RUFY3: variants seen among roughly 807,000 people sequenced by gnomAD.
RUFY3 encodes the protein protein RUFY3.
RUFY3 carries 34 observed loss-of-function variants against 84.0 expected under a neutral mutation model. The observed-to-expected ratio is 0.40, with a 90% CI of 0.31 to 0.54. The LOEUF is 0.54. Ranked by LOEUF, RUFY3 falls within the 20% of genes least tolerant of loss-of-function variation. The probability of loss-of-function intolerance (pLI) is 0.39; values close to 1 mark genes in which losing one functional copy is unlikely to be tolerated. For missense variants in RUFY3, 507 were observed against 736.8 expected, an observed-to-expected ratio of 0.69 and a Z score of 3.61; for synonymous variants, 242 against 252.9, an observed-to-expected ratio of 0.96 and a Z score of 0.41.
chr4:70,708,507 A>T (rs116581247), intron 1 of RUFY3, among the ~76,000 whole-genome samples: 3,595 of 152,234 alleles, frequency 0.024, 63 homozygotes, highest in Middle Eastern at 0.061. Context: ...TGGTACATGG[A>T]CTCAACCTCA....
intron 1 of RUFY3, among the ~76,000 whole-genome samples, chr4:70,751,268 T>A (rs1560494043): frequency 6.6e-6 from 1 of 152,200 alleles, no homozygotes; most frequent in Non-Finnish European, 1.5e-5. Flanking sequence ...TTTTATGATG[T>A]GTGGACATGT....
chr4:70,800,755 G>T (rs947400006), intron 15 of RUFY3, among the ~76,000 whole-genome samples: 1 of 152,132 alleles, frequency 6.6e-6, no homozygotes, highest in Non-Finnish European at 1.5e-5. Context: ...GGTGGTACCT[G>T]CCTGTAATCC....
At chr4:70,765,288 T>A (rs1173852938) in intron 4 of RUFY3, among the ~76,000 whole-genome samples, 1 of 151,692 alleles carries the variant, frequency 6.6e-6, no homozygotes, top group Non-Finnish European at 1.5e-5. Flanking sequence ...AAAACAACAT[T>A]ATTTTATCCG....
rs548558097 is a variant in RUFY3 at position 70,712,342 on chromosome 4, C to T, written c.358+7048C>T. The stretch of plus-strand genomic sequence containing the variant: ...AGCCAGGGAATGAATTCATATTCCT[C>T]AATAGTCAGCCTTCAAAGCGCATGT... On this transcript the variant is annotated intron_variant, in intron 1 of 11. Coordinates refer to the RUFY3 transcript ENST00000417478. Among the ~76,000 whole-genome samples, 4 of 152,286 alleles carry T rather than the reference C, an allele frequency of 2.6e-5. No individual in the cohort carries two copies. In the East Asian group the frequency reaches 7.7e-4, roughly 29 times the overall value.
intron 15 of RUFY3, 103 bp from the exon 16 acceptor site, chr4:70,802,853 T>C (rs1732401848): frequency 1.3e-6 from 1 of 793,052 alleles, no homozygotes; most frequent in African/African-American, 1.7e-5. Context: ...ACAGTATTTC[T>C]TGTTTGAAAA....
chr4:70,711,350 G>A (rs10020352), intron 1 of RUFY3, among the ~76,000 whole-genome samples: 29,238 of 152,000 alleles, frequency 0.19, 5,450 homozygotes, highest in African/African-American at 0.49. Context: ...ACATAGAGGC[G>A]TCTGCCCAGG....
intron 12 of RUFY3, chr4:70,792,888 C>A: frequency 1.0e-6 from 1 of 985,330 alleles, no homozygotes; most frequent in Non-Finnish European, 1.2e-6. Flanking sequence ...AAACAAAGCT[C>A]CTACTGTATT....
At chr4:70,789,327 A>G (rs1171581643) in intron 11 of RUFY3, among the ~76,000 whole-genome samples, 168 bp from the exon 12 acceptor site, 9 of 152,118 alleles carry the variant, frequency 5.9e-5, no homozygotes, top group Non-Finnish European at 1.2e-4. Flanking sequence ...ACTGCATATA[A>G]CAATACTAAC....
intron 9 of RUFY3, 68 bp from the exon 10 acceptor site, chr4:70,784,728 C>A: frequency 1.1e-6 from 1 of 913,060 alleles, no homozygotes; most frequent in Non-Finnish European, 1.6e-6. Context: ...TGCTAAGTAG[C>A]AGTGTTAGTG....
At chr4:70,742,473 T>C (rs1721473383) in intron 1 of RUFY3, among the ~76,000 whole-genome samples, 1 of 152,164 alleles carries the variant, frequency 6.6e-6, no homozygotes, top group Non-Finnish European at 1.5e-5. Flanking sequence ...TCCTGTGACA[T>C]CTCATGTATT....
At chr4:70,772,872 T>C (rs1199128139) in intron 5 of RUFY3, among the ~76,000 whole-genome samples, 1 of 152,074 alleles carries the variant, frequency 6.6e-6, no homozygotes, top group African/African-American at 2.4e-5. Context: ...TGTTGTTCAG[T>C]CTGGTCTCGA....
intron 1 of RUFY3, chr4:70,741,812 T>G (rs1721363567): frequency 1.6e-6 from 1 of 606,428 alleles, no homozygotes; most frequent in Non-Finnish European, 2.5e-6. Context: ...AGTGGAAATC[T>G]TAATGTTTTG....
At chr4:70,800,012 G>C (rs1417063981) in intron 14 of RUFY3, 129 bp from the exon 15 acceptor site, 1 of 719,860 alleles carries the variant, frequency 1.4e-6, no homozygotes, top group Non-Finnish European at 2.3e-6. Flanking sequence ...TTGAAAGTTA[G>C]ATCCCTTCCC....
intron 7 of RUFY3, 127 bp from the exon 8 acceptor site, chr4:70,778,236 AAATAAT>A (rs886233398): frequency 9.9e-5 from 38 of 382,444 alleles, no homozygotes; most frequent in East Asian, 1.7e-4. Context: ...CTCCGTCTAA[AAATAAT>A]AATAATAATA....
In RUFY3 at chr4:70,800,189, CT is replaced by C; in HGVS notation, c.1607del (p.Leu536ArgfsTer36). ...QEENVKLKKP[L>X]EESHRLQPHP... ...GGAAAATGTTAAACTAAAAAAGCCC[CT>C]GGAAGAAAGCCACAGGTGTTTGTTA... On this transcript the variant is annotated frameshift_variant, in exon 15 of 18. Coordinates refer to ENST00000381006, the MANE Select transcript of RUFY3 (RefSeq NM_001037442.4). LOFTEE classifies it high-confidence loss of function. The C allele has an allele frequency of 6.2e-7, 1 of 1,605,020 alleles. No individual in the cohort carries two copies. The highest frequency in any genetic ancestry group is 8.5e-7 in the Non-Finnish European group (1 of 1,177,486).
chr4:70,798,986 C>T (rs772288595), intron 14 of RUFY3, among the ~76,000 whole-genome samples: 1 of 150,168 alleles, frequency 6.7e-6, no homozygotes, highest in African/African-American at 2.5e-5. Context: ...CCTGTCTCTA[C>T]TAAAATACAA....
Position 70,783,232 on chromosome 4 carries a change from G to A in RUFY3, c.987+49G>A, listed in dbSNP as rs1335852708. 3 of 1,219,390 alleles carry A rather than the reference G, an allele frequency of 2.5e-6. No individual in the cohort carries two copies. The East Asian group carries it at 7.1e-5, about 29-fold the overall frequency. 75.5% of individuals were successfully genotyped at this position (1,219,390 alleles called of 1,614,324 possible). ...ATATTCACTGAGAGCATATCAACTT[G>A]TTAGTGGTAAAGGGGAGTCTCTAAA... On this transcript the variant is annotated intron_variant, in intron 9 of 17. Coordinates refer to ENST00000381006, the MANE Select transcript of RUFY3 (RefSeq NM_001037442.4).
chr4:70,775,318 TCAGA>T, intron 7 of RUFY3, 85 bp downstream of exon 7: 1 of 884,686 alleles, frequency 1.1e-6, no homozygotes, highest in Non-Finnish European at 1.8e-6. Flanking sequence ...GAGGATAAAT[TCAGA>T]CAGTGTTCAA....
In RUFY3 at chr4:70,793,191, T is replaced by C. The variant is rs1187521860; in HGVS notation, c.1338-594T>C. 3.0e-6 allele frequency: 3 copies of C among 985,872 alleles called. No individual in the cohort carries two copies. In the African/African-American group the frequency reaches 5.2e-5, roughly 17 times the overall value. 61.1% of individuals were successfully genotyped at this position (985,872 alleles called of 1,614,324 possible). A position where few individuals can be genotyped will look rare whatever the true frequency, so the allele number is the denominator to read the frequency against. ...CTTAGTCACACATCTTTTGTGGGAA[T>C]GGGAAAGGAAGGAGACAGCCAAACT... On this transcript the variant is annotated intron_variant, in intron 12 of 17. Coordinates refer to ENST00000381006, the MANE Select transcript of RUFY3 (RefSeq NM_001037442.4).
Sources: gnomAD v4.1 joint callset for allele counts (sites outside exome capture counted in the v4.1 genomes callset) on GRCh38, gnomAD v4.1.1 for gene constraint, MANE v1.5 for transcripts, NCBI Gene and HGNC (gene_info 2026-07-23, HGNC 2026-07-21) for gene names.